ZNF708: variants seen among roughly 807,000 people sequenced by gnomAD.
ZNF708 encodes the protein ZNF15, ZNF15L1.
Under a neutral mutation model 47.0 loss-of-function variants are expected in ZNF708, and 44 were observed. The ratio of observed to expected loss-of-function variants is 0.94; its 90% CI spans 0.74 to 1.20. The LOEUF is 1.20. ZNF708 is among the 50% of genes most tolerant of loss of function. The pLI is 0.00. For synonymous variants in ZNF708, 184 were observed against 218.5 expected, an observed-to-expected ratio of 0.84 and a Z score of 1.39; for missense variants, 557 against 656.0, an observed-to-expected ratio of 0.85 and a Z score of 1.65.
At chr19:21,303,878 C>T (rs564126102) in intron 3 of ZNF708, among the ~76,000 whole-genome samples, 1 of 151,868 alleles carries the variant, frequency 6.6e-6, no homozygotes, top group East Asian at 1.9e-4. Context: ...ATATCTCTCT[C>T]TATATATGTA....
chr19:21,293,048 A>T lies in ZNF708; in HGVS notation c.*226T>A, dbSNP rs139345174. The T allele has an allele frequency of 1.1e-5, 6 of 535,818 alleles. No homozygotes were observed. Among genetic ancestry groups the T allele is most frequent in the African/African-American group, 1.9e-5 (1 of 52,368 alleles). The allele number at this position is 535,818 out of a possible 1,614,324, so 33.2% of individuals were successfully genotyped here. A position where few individuals can be genotyped will look rare whatever the true frequency, so the allele number is the denominator to read the frequency against. On this transcript the variant is annotated 3_prime_UTR_variant, in exon 4 of 4. Coordinates refer to ENST00000356929, the MANE Select transcript of ZNF708 (RefSeq NM_021269.3). ...TCTTCCAGCTTTGTAGTTTCTCTCC[A>T]GTTTAAGTTTTTTTATGTTTAGTAA...
At chr19:21,318,548 C>T (rs978180888) in intron 1 of ZNF708, 7 of 152,220 alleles carry the variant, frequency 4.6e-5, no homozygotes, top group South Asian at 2.1e-4. Context: ...TTAAAATACC[C>T]CTAATGCACA....
intron 1 of ZNF708, among the ~76,000 whole-genome samples, chr19:21,314,481 TATAA>T (rs763599799): frequency 2.0e-5 from 3 of 152,154 alleles, no homozygotes; most frequent in Non-Finnish European, 4.4e-5. Flanking sequence ...GCCACAACAA[TATAA>T]ATAAAGTGGC....
Position 21,329,385 on chromosome 19 carries a change from T to G in ZNF708, c.-173A>C. 1 of 988,956 alleles carries G rather than the reference T, an allele frequency of 1.0e-6. No homozygotes were observed. Among genetic ancestry groups the G allele is most frequent in the Non-Finnish European group, 1.5e-6 (1 of 658,106 alleles). 61.3% of individuals were successfully genotyped at this position (988,956 alleles called of 1,614,324 possible). A position where few individuals can be genotyped will look rare whatever the true frequency, so the allele number is the denominator to read the frequency against. ...GCCGCGCCAAACCCGGAAGCCGCCC[T>G]GTCCGGTCCAGCTGCGTGTCTGAGT... On this transcript the variant is annotated 5_prime_UTR_variant, in exon 1 of 4. Coordinates refer to ENST00000356929, the MANE Select transcript of ZNF708 (RefSeq NM_021269.3).
rs879585748 is a variant in ZNF708, at chr19:21,296,171, G to GA, written c.227-1433dup. ...TGGGTGATATAGTCAAAGTCCTGGG[G>GA]AAAAAAAAAAAATCTGTCAAGTGAA... On this transcript the variant is annotated intron_variant, in intron 3 of 3. Coordinates refer to ENST00000356929, the MANE Select transcript of ZNF708 (RefSeq NM_021269.3). 7.2e-3 allele frequency among the ~76,000 whole-genome samples: 1,034 copies of GA among 144,156 alleles called. 16 individuals carry two copies. Among genetic ancestry groups the GA allele is most frequent in the African/African-American group, 0.023 (899 of 39,654 alleles). The allele number at this position is 144,156 out of a possible 152,430, so 94.6% of individuals were successfully genotyped here. A position where few individuals can be genotyped will look rare whatever the true frequency, so the allele number is the denominator to read the frequency against.
intron 1 of ZNF708, among the ~76,000 whole-genome samples, chr19:21,313,417 C>T (rs1045788903): frequency 2.0e-5 from 3 of 151,936 alleles, no homozygotes; most frequent in African/African-American, 7.3e-5. Flanking sequence ...GATAAAGAGC[C>T]CAGCATTTTT....
chr19:21,297,266 ATATATTTTTTTTTTT>A (rs1444505071), intron 3 of ZNF708, among the ~76,000 whole-genome samples: 3 of 14,858 alleles, frequency 2.0e-4, no homozygotes, highest in South Asian at 3.7e-3. Flanking sequence ...ATATATATAT[ATATATTTTTTTTTTT>A]TTTTTTTTTT....
intron 1 of ZNF708, among the ~76,000 whole-genome samples, chr19:21,325,922 C>T (rs1327515465): frequency 2.0e-5 from 3 of 152,060 alleles, no homozygotes; most frequent in Admixed American, 6.5e-5. Flanking sequence ...AAACAATTCT[C>T]AAAAGAAGGT....
chr19:21,300,646 A>G (rs1020620746), intron 3 of ZNF708, among the ~76,000 whole-genome samples: 1 of 151,922 alleles, frequency 6.6e-6, no homozygotes, highest in Non-Finnish European at 1.5e-5. Flanking sequence ...ATTGTCATAT[A>G]CAATTTATTA....
chr19:21,325,516 T>A (rs1040672609), intron 1 of ZNF708, among the ~76,000 whole-genome samples: 3 of 152,182 alleles, frequency 2.0e-5, no homozygotes, highest in Non-Finnish European at 4.4e-5. Context: ...TAGCCATATG[T>A]AGGAGAATGA....
At chr19:21,315,686 T>C (rs1972986986) in intron 1 of ZNF708, among the ~76,000 whole-genome samples, 1 of 152,162 alleles carries the variant, frequency 6.6e-6, no homozygotes, top group African/African-American at 2.4e-5. Flanking sequence ...TGATACAAAG[T>C]TGTCTGTCAA....
intron 3 of ZNF708, among the ~76,000 whole-genome samples, chr19:21,304,855 A>T (rs1972728716): frequency 6.6e-6 from 1 of 152,174 alleles, no homozygotes. Flanking sequence ...CCTGGGCAAC[A>T]GAGTAATATC....
intron 3 of ZNF708, among the ~76,000 whole-genome samples, chr19:21,308,138 T>C (rs1972823654): frequency 6.6e-6 from 1 of 152,046 alleles, no homozygotes; most frequent in Non-Finnish European, 1.5e-5. Flanking sequence ...TATCTATGGA[T>C]TTAAAGAATA....
At chr19:21,318,248 A>G (rs1212780499) in intron 1 of ZNF708, 1 of 152,172 alleles carries the variant, frequency 6.6e-6, no homozygotes, top group Non-Finnish European at 1.5e-5. Context: ...CTCAGTTTCA[A>G]TTTATTATGG....
chr19:21,324,635 G>T (rs1364018153), intron 1 of ZNF708, among the ~76,000 whole-genome samples: 1 of 152,024 alleles, frequency 6.6e-6, no homozygotes, highest in Admixed American at 6.6e-5. Flanking sequence ...AAATTTTAGG[G>T]TGCTTATATT....
At chr19:21,301,263 G>C (rs1364589403) in intron 3 of ZNF708, among the ~76,000 whole-genome samples, 1 of 151,038 alleles carries the variant, frequency 6.6e-6, no homozygotes. Flanking sequence ...TATCACTTGA[G>C]GTCATGAGTT....
chr19:21,307,039 A>ATAC (rs1568349201), intron 3 of ZNF708: 10 of 142,008 alleles, frequency 7.0e-5, no homozygotes, highest in African/African-American at 2.8e-4. Context: ...ACATACATAA[A>ATAC]ATAAAATAAA....
chr19:21,313,530 C>A (rs575222135), intron 1 of ZNF708, among the ~76,000 whole-genome samples: 2 of 151,906 alleles, frequency 1.3e-5, no homozygotes, highest in Non-Finnish European at 2.9e-5. Context: ...GAGGCCCAGG[C>A]GGGCAGATCA....
At position 21,293,228 on chromosome 19, in the gene ZNF708, C is replaced by A. The variant is rs1348477869; in HGVS notation, c.*46G>T. 1.3e-6 allele frequency: 2 copies of A among 1,565,984 alleles called. No individual in the cohort carries two copies. The highest frequency in any genetic ancestry group is 2.7e-5 in the African/African-American group (2 of 73,058). On this transcript the variant is annotated 3_prime_UTR_variant, in exon 4 of 4. Coordinates refer to ENST00000356929, the MANE Select transcript of ZNF708 (RefSeq NM_021269.3). ...AGGATTTCTCTCCAGTATGAATTAT[C>A]TTGTGTTTTAATAAAAGTTGAAAAT...
Sources: gnomAD v4.1 joint callset for allele counts (sites outside exome capture counted in the v4.1 genomes callset) on GRCh38, gnomAD v4.1.1 for gene constraint, MANE v1.5 for transcripts, NCBI Gene and HGNC (gene_info 2026-07-23, HGNC 2026-07-21) for gene names.